The following TSHR variants were observed in gnomAD, a reference collection of about 807,000 sequenced individuals.
The protein encoded by TSHR is thyrotropin receptor.
A neutral mutation model predicts 64.1 loss-of-function variants in TSHR; 51 were observed. That is an observed-to-expected ratio of 0.80 (90% confidence interval 0.64 to 1.01). TSHR has a LOEUF of 1.01. TSHR is among the 50% of genes least tolerant of loss of function. TSHR has a pLI of 0.00. For synonymous variants in TSHR, 361 were observed against 361.9 expected (o/e 1.00, Z 0.03); for missense variants, 877 against 942.8 (o/e 0.93, Z 0.91).
Position 81,122,020 on chromosome 14 carries a change from C to CTTTTTTTTTT in TSHR, c.692+13600_692+13609dup, listed in dbSNP as rs1161879777. Among the ~76,000 whole-genome samples the CTTTTTTTTTT allele has an allele frequency of 1.8e-4, 8 of 44,904 alleles. 2 individuals carry two copies. Among genetic ancestry groups the CTTTTTTTTTT allele is most frequent in the African/African-American group, 2.5e-4 (3 of 12,120 alleles). The allele number at this position is 44,904 out of a possible 152,430, so 29.5% of individuals were successfully genotyped here. On this transcript the variant is annotated intron_variant, in intron 8 of 9. Transcript: ENST00000298171. ...CTGGTTTGAGATGTGTTTTCTTTTC[C>CTTTTTTTTTT]TTTTTTTTTTTTTTTTTTTTTTTTT...
At chr14:81,142,102 G>A (rs1260402220) in intron 9 of TSHR, among the ~76,000 whole-genome samples, 1 of 151,998 alleles carries the variant, frequency 6.6e-6, no homozygotes, top group Non-Finnish European at 1.5e-5. Flanking sequence ...TTTTTAAACA[G>A]AGTCTCACTC....
intron 8 of TSHR, among the ~76,000 whole-genome samples, chr14:81,112,283 G>T (rs2140041131): frequency 6.6e-6 from 1 of 152,222 alleles, no homozygotes; most frequent in Non-Finnish European, 1.5e-5. Flanking sequence ...ACATTATTAT[G>T]ATTATTTTCA....
intron 1 of TSHR, among the ~76,000 whole-genome samples, chr14:80,970,468 G>A (rs1462560452): frequency 6.6e-6 from 1 of 152,210 alleles, no homozygotes; most frequent in African/African-American, 2.4e-5. Context: ...GGGTATTTCT[G>A]TCCTTCAGAA....
chr14:81,062,121 C>G (rs1455716642), intron 1 of TSHR, 27 bp from the exon 2 acceptor site: 3 of 1,582,326 alleles, frequency 1.9e-6, no homozygotes, highest in Non-Finnish European at 2.6e-6. Flanking sequence ...GATTAAAACT[C>G]TAATTATGTA....
At chr14:81,100,040 C>T (rs1889474795) in intron 7 of TSHR, among the ~76,000 whole-genome samples, 1 of 152,168 alleles carries the variant, frequency 6.6e-6, no homozygotes, top group Admixed American at 6.5e-5. Context: ...AATAATTTCT[C>T]TTTGAGCTTC....
chr14:81,001,454 A>G (rs1889313002), intron 1 of TSHR: 1 of 494,738 alleles, frequency 2.0e-6, no homozygotes, highest in Admixed American at 2.0e-5. Context: ...TTACCTGGGT[A>G]TGCTCAATGA....
chr14:81,088,170 G>A (rs1026976509), intron 4 of TSHR, 142 bp downstream of exon 4: 20 of 694,112 alleles, frequency 2.9e-5, no homozygotes, highest in Middle Eastern at 7.0e-4. Flanking sequence ...GCAAGGTATC[G>A]GGTGAAATGA....
chr14:81,113,347 G>C (rs1347930069), intron 8 of TSHR, among the ~76,000 whole-genome samples: 2 of 152,202 alleles, frequency 1.3e-5, no homozygotes, highest in African/African-American at 4.8e-5. Flanking sequence ...AGGAGAATGA[G>C]ATCACTATTT....
At chr14:80,982,538 C>T (rs539416780) in intron 1 of TSHR, 4 of 1,005,198 alleles carry the variant, frequency 4.0e-6, no homozygotes, top group South Asian at 2.7e-5. Flanking sequence ...GGAGATGATG[C>T]TAGTTTTGAC....
intron 1 of TSHR, among the ~76,000 whole-genome samples, chr14:80,963,826 C>A (rs1194973952): frequency 6.6e-6 from 1 of 152,174 alleles, no homozygotes; most frequent in African/African-American, 2.4e-5. Context: ...GTCGGAGAGA[C>A]CTTCTGCTTC....
chr14:81,085,139 T>C (rs1462702324), intron 3 of TSHR, among the ~76,000 whole-genome samples: 1 of 152,022 alleles, frequency 6.6e-6, no homozygotes, highest in Middle Eastern at 3.2e-3. Flanking sequence ...TTTTTGCATT[T>C]TTAGTAAAAA....
At chr14:81,063,805 T>C (rs1886408563) in intron 2 of TSHR, among the ~76,000 whole-genome samples, 1 of 151,692 alleles carries the variant, frequency 6.6e-6, no homozygotes, top group African/African-American at 2.4e-5. Context: ...GAAACTCACA[T>C]AAGAGGTCTA....
intron 1 of TSHR, among the ~76,000 whole-genome samples, chr14:81,004,501 T>C (rs1217785250): frequency 1.3e-5 from 2 of 152,226 alleles, no homozygotes; most frequent in Admixed American, 6.5e-5. Flanking sequence ...CCATTGACAC[T>C]GCACATACTA....
chr14:80,971,929 A>G (rs1887609027), intron 1 of TSHR, among the ~76,000 whole-genome samples: 1 of 152,206 alleles, frequency 6.6e-6, no homozygotes, highest in Non-Finnish European at 1.5e-5. Flanking sequence ...AACACTTTTA[A>G]TCAATGAATT....
chr14:81,128,360 G>A (rs1891100905), intron 8 of TSHR, among the ~76,000 whole-genome samples: 1 of 152,186 alleles, frequency 6.6e-6, no homozygotes, highest in Admixed American at 6.5e-5. Context: ...CTGGCCATAA[G>A]GGAAATACTA....
chr14:80,991,272 G>A (rs1389816547), intron 1 of TSHR, among the ~76,000 whole-genome samples: 2 of 152,034 alleles, frequency 1.3e-5, no homozygotes, highest in African/African-American at 4.8e-5. Context: ...ACCTAAGTAG[G>A]GGGAAGAATT....
intron 6 of TSHR, among the ~76,000 whole-genome samples, chr14:81,093,393 T>C (rs1282978855): frequency 6.6e-6 from 1 of 152,242 alleles, no homozygotes; most frequent in Non-Finnish European, 1.5e-5. Flanking sequence ...AGTTCCTCTC[T>C]CATTGTGTAA....
Position 80,982,567 on chromosome 14 carries a change from A to T in TSHR, c.170+26717A>T, listed in dbSNP as rs1488321442. The T allele has an allele frequency of 9.9e-6, 10 of 1,006,788 alleles. No homozygotes were observed. In the African/African-American group the frequency reaches 1.7e-4, roughly 17 times the overall value. The allele number at this position is 1,006,788 out of a possible 1,614,324, so 62.4% of individuals were successfully genotyped here. A position where few individuals can be genotyped will look rare whatever the true frequency, so the allele number is the denominator to read the frequency against. ...TTTTGACCCTAATCCTCAATCTGTG[A>T]GTAGGATAGTTAGATCTCAGCCTGT... On this transcript the variant is annotated intron_variant, in intron 1 of 9. Transcript: ENST00000298171.
At chr14:81,105,370 G>C (rs1889828067) in intron 7 of TSHR, among the ~76,000 whole-genome samples, 1 of 152,208 alleles carries the variant, frequency 6.6e-6, no homozygotes, top group Admixed American at 6.5e-5. Flanking sequence ...GCTGATGCAA[G>C]GTTGAAAAGC....
Sources: allele counts gnomAD v4.1 joint callset (sites outside exome capture counted in the v4.1 genomes callset), GRCh38; gene constraint gnomAD v4.1.1; transcripts MANE v1.5; gene names NCBI Gene and HGNC (gene_info 2026-07-23, HGNC 2026-07-21).